Variants in NBEA observed in about 807,000 individuals in gnomAD.
NBEA encodes the protein lysosomal-trafficking regulator 2.
A neutral mutation model predicts 343.4 loss-of-function variants in NBEA; 44 were observed. That is an observed-to-expected ratio of 0.13 (90% CI 0.10 to 0.16). The LOEUF is 0.16. NBEA is among the 10% of genes least tolerant of loss of function. The pLI, the probability that NBEA is intolerant of heterozygous loss-of-function variation, is 1.00. For synonymous variants in NBEA, 1,175 were observed against 1,238.7 expected, an observed-to-expected ratio of 0.95 and a Z score of 1.08; for missense variants, 2,555 against 3,631.3, an observed-to-expected ratio of 0.70 and a Z score of 7.62.
intron 18 of NBEA, among the ~76,000 whole-genome samples, chr13:35,154,391 T>G (rs1301847536): frequency 6.6e-6 from 1 of 152,190 alleles, no homozygotes; most frequent in African/African-American, 2.4e-5. Context: ...GTACTTGACT[T>G]AGGTTTAACT....
intron 39 of NBEA, among the ~76,000 whole-genome samples, chr13:35,437,082 A>G (rs577931439): frequency 6.6e-6 from 1 of 152,164 alleles, no homozygotes; most frequent in Non-Finnish European, 1.5e-5. Flanking sequence ...TAGAAGTGAA[A>G]CTGATTTTGC....
chr13:35,550,881 A>T (rs777739424), intron 42 of NBEA, 49 bp from the exon 43 acceptor site: 6 of 1,167,320 alleles, frequency 5.1e-6, no homozygotes, highest in Non-Finnish European at 6.3e-6. Flanking sequence ...ATTGATGGCT[A>T]ACTTATCCTG....
chr13:35,238,658 T>G (rs373023911), intron 34 of NBEA, among the ~76,000 whole-genome samples: 2 of 152,282 alleles, frequency 1.3e-5, no homozygotes, highest in East Asian at 3.9e-4. Flanking sequence ...TGAGGTGGGA[T>G]AGAGGTGTCT....
At chr13:35,447,077 T>C (rs902197170) in intron 39 of NBEA, among the ~76,000 whole-genome samples, 8 of 152,226 alleles carry the variant, frequency 5.3e-5, no homozygotes, top group Admixed American at 3.9e-4. Context: ...AGAAATAAAA[T>C]ACTGTATTTT....
At chr13:35,243,864 A>C (rs2030751024) in intron 34 of NBEA, among the ~76,000 whole-genome samples, 1 of 151,920 alleles carries the variant, frequency 6.6e-6, no homozygotes, top group Non-Finnish European at 1.5e-5. Context: ...TGAATAAGGA[A>C]ATGGATGACT....
chr13:35,575,945 A>G (rs1046722518), intron 45 of NBEA, among the ~76,000 whole-genome samples: 2 of 152,102 alleles, frequency 1.3e-5, no homozygotes, highest in African/African-American at 4.8e-5. Flanking sequence ...ATAGAACATA[A>G]CAATAACAGC....
intron 1 of NBEA, among the ~76,000 whole-genome samples, chr13:35,032,906 C>T (rs2062290810): frequency 6.6e-6 from 1 of 151,828 alleles, no homozygotes; most frequent in African/African-American, 2.4e-5. Flanking sequence ...GGTTATTAAT[C>T]CGTTGTCAGA....
chr13:35,094,590 C>T (rs146987204), intron 10 of NBEA, among the ~76,000 whole-genome samples: 2 of 151,482 alleles, frequency 1.3e-5, no homozygotes, highest in East Asian at 1.9e-4. Context: ...TGTGTGTCAC[C>T]GAAAATTATC....
At chr13:35,219,132 G>C (rs1318594281) in intron 33 of NBEA, among the ~76,000 whole-genome samples, 1 of 151,920 alleles carries the variant, frequency 6.6e-6, no homozygotes, top group East Asian at 1.9e-4. Flanking sequence ...CTGTAGTAAT[G>C]TCCCTTCTTT....
intron 17 of NBEA, among the ~76,000 whole-genome samples, chr13:35,125,486 G>C (rs1356972348): frequency 6.6e-6 from 1 of 152,124 alleles, no homozygotes; most frequent in African/African-American, 2.4e-5. Flanking sequence ...AAAAGGAGAA[G>C]ATATATCACA....
rs1028939779 is a variant in NBEA, at chr13:35,472,431, C to T, written c.6480C>T (p.Leu2160=). 3 of 1,613,854 alleles carry T rather than the reference C, an allele frequency of 1.9e-6. No homozygotes were observed. In the African/African-American group the frequency reaches 4.0e-5, roughly 22 times the overall value. The change falls in exon 41 of 59, where the codon CTC becomes CTT. Residue 2160 remains leucine, a synonymous_variant. Transcript: ENST00000379939. ...TGGTTCTCAGCACCCCTGCCCAGCT[C>T]ATCGCTCCCGTGGTGGTGGCCAAGG... ...GPVVLSTPAQ[L]IAPVVVAKGT...
At chr13:35,512,127 A>G (rs1256608081) in intron 41 of NBEA, among the ~76,000 whole-genome samples, 2 of 152,252 alleles carry the variant, frequency 1.3e-5, no homozygotes, top group Non-Finnish European at 2.9e-5. Flanking sequence ...CAGTGAAAGC[A>G]CATGCTTTTA....
At chr13:35,042,647 C>T (rs1042514012) in intron 2 of NBEA, among the ~76,000 whole-genome samples, 1 of 151,708 alleles carries the variant, frequency 6.6e-6, no homozygotes, top group African/African-American at 2.4e-5. Context: ...TTACATAAAG[C>T]TCCTTAATTC....
intron 48 of NBEA, among the ~76,000 whole-genome samples, chr13:35,608,942 T>G (rs909252000): frequency 1.3e-5 from 2 of 152,236 alleles, no homozygotes; most frequent in Non-Finnish European, 2.9e-5. Flanking sequence ...AGTTATACTC[T>G]TTCCAGTATG....
At chr13:35,235,450 G>T (rs935878560) in intron 34 of NBEA, among the ~76,000 whole-genome samples, 4 of 152,070 alleles carry the variant, frequency 2.6e-5, no homozygotes, top group African/African-American at 9.7e-5. Flanking sequence ...ACTGACCAAA[G>T]ACATAATAAA....
intron 34 of NBEA, among the ~76,000 whole-genome samples, chr13:35,276,228 A>T (rs2034576349): frequency 6.6e-6 from 1 of 152,138 alleles, no homozygotes; most frequent in East Asian, 1.9e-4. Context: ...TTTTAAAGGG[A>T]ATTATTTTCC....
intron 39 of NBEA, among the ~76,000 whole-genome samples, chr13:35,433,458 C>T (rs900985524): frequency 1.3e-5 from 2 of 151,914 alleles, no homozygotes; most frequent in Non-Finnish European, 2.9e-5. Flanking sequence ...TATATCAAAT[C>T]ATAGTTTATG....
At chr13:34,985,150 A>G (rs2060500639) in intron 1 of NBEA, among the ~76,000 whole-genome samples, 1 of 151,056 alleles carries the variant, frequency 6.6e-6, no homozygotes, top group Non-Finnish European at 1.5e-5. Flanking sequence ...GTTTTTGCCC[A>G]TTCAGTATGA....
At chr13:35,596,137 C>A (rs1450833842) in intron 47 of NBEA, among the ~76,000 whole-genome samples, 1 of 151,404 alleles carries the variant, frequency 6.6e-6, no homozygotes, top group Admixed American at 6.6e-5. Flanking sequence ...TGTGTCCAGT[C>A]AAATATATTT....
Sources: gnomAD v4.1 joint callset for allele counts (sites outside exome capture counted in the v4.1 genomes callset) on GRCh38, gnomAD v4.1.1 for gene constraint, MANE v1.5 for transcripts, NCBI Gene and HGNC (gene_info 2026-07-23, HGNC 2026-07-21) for gene names.